The following DLGAP2 variants were observed in gnomAD, a reference collection of about 807,000 sequenced individuals.
DLGAP2 encodes disks large-associated protein 2.
Under a neutral mutation model 100.3 loss-of-function variants are expected in DLGAP2, and 26 were observed. That is an observed-to-expected ratio of 0.26 (90% CI 0.19 to 0.36). DLGAP2 has a LOEUF of 0.36. Ranked by LOEUF, DLGAP2 falls within the 10% of genes least tolerant of loss-of-function variation. DLGAP2 has a pLI of 1.00. For synonymous variants in DLGAP2, 886 were observed against 630.1 expected (o/e 1.41, Z -6.08); for missense variants, 1,858 against 1,453.2 (o/e 1.28, Z -4.53).
intron 3 of DLGAP2, among the ~76,000 whole-genome samples, chr8:1,430,862 G>A (rs1408220120): frequency 6.6e-6 from 1 of 152,152 alleles, no homozygotes; most frequent in Non-Finnish European, 1.5e-5. Context: ...CAGCGTCTTT[G>A]ATATCAGGCA....
intron 2 of DLGAP2, among the ~76,000 whole-genome samples, chr8:940,512 G>A (rs945062495): frequency 6.6e-6 from 1 of 152,138 alleles, no homozygotes; most frequent in Non-Finnish European, 1.5e-5. Flanking sequence ...GTATTGTGAG[G>A]AACATGCAGG....
chr8:1,079,329 C>T (rs1159035809), intron 2 of DLGAP2, among the ~76,000 whole-genome samples: 2 of 152,142 alleles, frequency 1.3e-5, no homozygotes, highest in Non-Finnish European at 2.9e-5. Flanking sequence ...CAAATATTTT[C>T]TCTCAGTCTA....
At chr8:1,444,167 C>G (rs1797916515) in intron 3 of DLGAP2, among the ~76,000 whole-genome samples, 1 of 152,156 alleles carries the variant, frequency 6.6e-6, no homozygotes, top group African/African-American at 2.4e-5. Context: ...CTCACTACAG[C>G]CTTGAACTCC....
At chr8:1,229,820 C>G (rs974862910) in intron 2 of DLGAP2, among the ~76,000 whole-genome samples, 3 of 152,194 alleles carry the variant, frequency 2.0e-5, no homozygotes, top group Admixed American at 2.0e-4. Context: ...AATCCAACAC[C>G]CTTTCATGAT....
intron 10 of DLGAP2, among the ~76,000 whole-genome samples, chr8:1,673,137 G>T (rs1349574827): frequency 6.6e-6 from 1 of 152,078 alleles, no homozygotes; most frequent in Non-Finnish European, 1.5e-5. Flanking sequence ...AGGGCTTGCT[G>T]TGTTGCCCAG....
At chr8:741,527 C>A (rs115473860) in intron 1 of DLGAP2, among the ~76,000 whole-genome samples, 1,584 of 152,286 alleles carry the variant, frequency 0.01, 28 homozygotes, top group African/African-American at 0.036. Context: ...TGGGTGTCCG[C>A]TGCAGGTGCA....
chr8:1,207,889 T>C (rs1304085287), intron 2 of DLGAP2, among the ~76,000 whole-genome samples: 1 of 152,196 alleles, frequency 6.6e-6, no homozygotes. Flanking sequence ...CCTATTCCTG[T>C]CCCTGGCCCA....
intron 2 of DLGAP2, among the ~76,000 whole-genome samples, chr8:986,751 C>A (rs1446080803): frequency 4.0e-5 from 6 of 151,268 alleles, no homozygotes; most frequent in Non-Finnish European, 5.9e-5. Flanking sequence ...CCTGCTTCTC[C>A]CAGGTTCAAG....
intron 6 of DLGAP2, among the ~76,000 whole-genome samples, chr8:1,605,658 G>A (rs909441365): frequency 6.6e-6 from 1 of 152,152 alleles, no homozygotes; most frequent in African/African-American, 2.4e-5. Flanking sequence ...TCCCGCTGAT[G>A]TTACCTTCCC....
chr8:771,966 C>T (rs542523775), intron 1 of DLGAP2, among the ~76,000 whole-genome samples: 29 of 151,336 alleles, frequency 1.9e-4, no homozygotes, highest in African/African-American at 7.0e-4. Flanking sequence ...GCAGTGGCAC[C>T]ATCATAGCTC....
At chr8:1,117,824 C>T (rs1242554244) in intron 2 of DLGAP2, among the ~76,000 whole-genome samples, 3 of 152,236 alleles carry the variant, frequency 2.0e-5, no homozygotes, top group East Asian at 3.9e-4. Flanking sequence ...TCAGAGCCTC[C>T]CCCTTTCACA....
chr8:1,134,358 A>G (rs12677929), intron 2 of DLGAP2, among the ~76,000 whole-genome samples: 24 of 152,108 alleles, frequency 1.6e-4, no homozygotes, highest in African/African-American at 5.3e-4. Flanking sequence ...CAGTCATGGG[A>G]TTGCTTGGTG....
chr8:1,526,355 C>G (rs1328596107), intron 4 of DLGAP2, among the ~76,000 whole-genome samples: 1 of 152,010 alleles, frequency 6.6e-6, no homozygotes, highest in Non-Finnish European at 1.5e-5. Context: ...GTCTCCCCCA[C>G]TCACAGGGGA....
At chr8:1,052,931 G>C (rs908451821) in intron 2 of DLGAP2, among the ~76,000 whole-genome samples, 2 of 152,164 alleles carry the variant, frequency 1.3e-5, no homozygotes, top group African/African-American at 4.8e-5. Flanking sequence ...AGAGAACCAG[G>C]TGATATCCAG....
intron 1 of DLGAP2, among the ~76,000 whole-genome samples, chr8:833,603 G>C (rs1410749016): frequency 6.6e-6 from 1 of 152,166 alleles, no homozygotes; most frequent in Non-Finnish European, 1.5e-5. Flanking sequence ...GGCTAGTCCA[G>C]GATCACCCCT....
chr8:1,450,634 CT>C (rs931027155), intron 3 of DLGAP2, among the ~76,000 whole-genome samples: 1 of 151,508 alleles, frequency 6.6e-6, no homozygotes, highest in African/African-American at 2.4e-5. Flanking sequence ...CAAACTTTGT[CT>C]TCCCCCCCAT....
chr8:1,195,906 C>G (rs1000172002), intron 2 of DLGAP2, among the ~76,000 whole-genome samples: 1 of 152,180 alleles, frequency 6.6e-6, no homozygotes, highest in Non-Finnish European at 1.5e-5. Flanking sequence ...ATTTCTAATT[C>G]TCCCACAAAG....
chr8:1,126,519 A>G (rs1168845035), intron 2 of DLGAP2, among the ~76,000 whole-genome samples: 3 of 152,042 alleles, frequency 2.0e-5, no homozygotes, highest in African/African-American at 7.2e-5. Context: ...CTGTGCGTGG[A>G]CAGGAGGCAG....
At chr8:1,370,603 C>T (rs1312538771) in intron 3 of DLGAP2, among the ~76,000 whole-genome samples, 2 of 152,154 alleles carry the variant, frequency 1.3e-5, no homozygotes, top group Non-Finnish European at 2.9e-5. Flanking sequence ...CTTTTATCAC[C>T]CTCTGGTTGC....
Sources: gnomAD v4.1 joint callset for allele counts (sites outside exome capture counted in the v4.1 genomes callset) on GRCh38, gnomAD v4.1.1 for gene constraint, MANE v1.5 for transcripts, NCBI Gene and HGNC (gene_info 2026-07-23, HGNC 2026-07-21) for gene names.